Variants in DHX36 observed in about 807,000 individuals in gnomAD.
DHX36 encodes DEAH-box helicase 36, also known as ATP-dependent DNA/RNA helicase DHX36.
In DHX36, 50 loss-of-function variants were observed where a neutral mutation model predicts 139.0. The observed-to-expected ratio is 0.36, with a 90% CI of 0.29 to 0.46. DHX36 has a LOEUF of 0.46. Among genes scored for constraint, DHX36 ranks in the 20% least tolerant of loss-of-function variants. DHX36 has a pLI of 1.00. For missense variants in DHX36, 1,024 were observed against 1,211.3 expected (o/e 0.85, Z 2.29); for synonymous variants, 425 against 401.9 (o/e 1.06, Z -0.69).
chr3:154,293,236 AC>A (rs1476873572), intron 14 of DHX36, among the ~76,000 whole-genome samples: 2 of 152,132 alleles, frequency 1.3e-5, no homozygotes, highest in Non-Finnish European at 2.9e-5. Flanking sequence ...ACAAAAACCA[AC>A]ACCTAAAATG....
In DHX36 at chr3:154,275,157, A is replaced by G. The variant is rs1719108764; in HGVS notation, c.*1014T>C. On this transcript the variant is annotated 3_prime_UTR_variant, in exon 25 of 25. Coordinates refer to ENST00000496811, the MANE Select transcript of DHX36 (RefSeq NM_020865.3). ...ACTGGTTTCCAACCCCAACCCCTCA[A>G]ATACCTAAATCCATGGATGCTCAAG... is the stretch of plus-strand genomic sequence containing the variant. The G allele has an allele frequency of 6.6e-6, 1 of 152,202 alleles. No individual in the cohort carries two copies. The highest frequency in any genetic ancestry group is 2.1e-4 in the South Asian group (1 of 4,830). 9.4% of individuals were successfully genotyped at this position (152,202 alleles called of 1,614,324 possible).
At chr3:154,301,482 C>T (rs888461313) in intron 9 of DHX36, among the ~76,000 whole-genome samples, 11 of 151,986 alleles carry the variant, frequency 7.2e-5, no homozygotes, top group African/African-American at 2.7e-4. Context: ...GAATTGAATC[C>T]CTCAGAGAGC....
chr3:154,291,928 A>T (rs1193634899), intron 15 of DHX36, among the ~76,000 whole-genome samples: 1 of 152,244 alleles, frequency 6.6e-6, no homozygotes, highest in Non-Finnish European at 1.5e-5. Context: ...AGATAGTTTT[A>T]CTTCTTAAGT....
chr3:154,322,081 A>C (rs1713210453), intron 1 of DHX36, among the ~76,000 whole-genome samples: 1 of 152,200 alleles, frequency 6.6e-6, no homozygotes, highest in Admixed American at 6.6e-5. Context: ...CTATTTAAAC[A>C]AGAAAGAAAG....
chr3:154,301,208 G>A, intron 9 of DHX36, 81 bp from the exon 10 acceptor site: 6 of 1,372,624 alleles, frequency 4.4e-6, no homozygotes, highest in Non-Finnish European at 5.9e-6. Context: ...TTATATTTAG[G>A]ATTTTCAAAA....
chr3:154,283,567 C>A (rs1277818887), intron 19 of DHX36, among the ~76,000 whole-genome samples: 1 of 151,532 alleles, frequency 6.6e-6, no homozygotes, highest in Admixed American at 6.6e-5. Flanking sequence ...ATACACTAAT[C>A]AAAAAGAACA....
Position 154,306,315 on chromosome 3 carries a change from TAA to T in DHX36, c.814-22_814-21del, listed in dbSNP as rs937805242. 2 of 1,596,172 alleles carry T rather than the reference TAA, an allele frequency of 1.3e-6. No homozygotes were observed. The highest frequency in any genetic ancestry group is 1.3e-5 in the African/African-American group (1 of 74,516). On this transcript the variant is annotated intron_variant, in intron 5 of 24. Transcript: ENST00000496811. The stretch of plus-strand genomic sequence containing the variant: ...CGCAACCTTTAATTCAAATAAAACA[TAA>T]AGAGAATATAATTTCCTTTAGAACA...
At chr3:154,316,312 A>ACCC (rs762131949) in intron 1 of DHX36, 149 bp from the exon 2 acceptor site, 1 of 948,146 alleles carries the variant, frequency 1.1e-6, no homozygotes, top group Non-Finnish European at 1.6e-6. Flanking sequence ...CTAGCCCAAT[A>ACCC]CCCCCCTTCC....
At chr3:154,305,240 A>G (rs1712454716) in intron 6 of DHX36, 72 bp from the exon 7 acceptor site, 5 of 1,306,122 alleles carry the variant, frequency 3.8e-6, no homozygotes, top group African/African-American at 1.5e-5. Flanking sequence ...AAAGGTTTAT[A>G]TCTTCAATTT....
At chr3:154,290,633 CAAA>C (rs10706343) in intron 15 of DHX36, among the ~76,000 whole-genome samples, 146 of 77,402 alleles carry the variant, frequency 1.9e-3, no homozygotes, top group African/African-American at 7.4e-3. Context: ...GACTTCATCT[CAAA>C]AAAAAAAAAA....
rs1330512485 is a variant in DHX36 at position 154,294,580 on chromosome 3, C to T, written c.1605+704G>A. Among the ~76,000 whole-genome samples, 5 of 152,084 alleles carry T rather than the reference C, an allele frequency of 3.3e-5. No individual in the cohort carries two copies. The East Asian group carries it at 7.7e-4, about 23-fold the overall frequency. On this transcript the variant is annotated intron_variant, in intron 13 of 24. Coordinates refer to ENST00000496811, the MANE Select transcript of DHX36 (RefSeq NM_020865.3). ...GAATCAAGAGTTTTCTTTCTTGCCCCCTCTCTTCTCTCAGGTATGTACTCT... is the reference window on the plus strand; with the variant it reads ...GAATCAAGAGTTTTCTTTCTTGCCCTCTCTCTTCTCTCAGGTATGTACTCT...
Position 154,274,307 on chromosome 3 carries a change from C to CCAAAAAA in DHX36, c.*1857_*1863dup. On this transcript the variant is annotated 3_prime_UTR_variant, in exon 25 of 25. Transcript: ENST00000496811. The stretch of plus-strand genomic sequence containing the variant: ...TGGGTGACAGGGCAAGACACTGTCT[C>CCAAAAAA]CAAAAAACAAAAAACAAAACAAAAC... 5.4e-6 allele frequency: 1 copy of CCAAAAAA among 186,408 alleles called. No homozygotes were observed. Among genetic ancestry groups the CCAAAAAA allele is most frequent in the Non-Finnish European group, 1.1e-5 (1 of 92,442 alleles). The allele number at this position is 186,408 out of a possible 1,614,324, so 11.5% of individuals were successfully genotyped here.
Position 154,284,572 on chromosome 3 carries a change from T to C in DHX36, c.2292+11A>G. 1 of 1,587,970 alleles carries C rather than the reference T, an allele frequency of 6.3e-7. No homozygotes were observed. The highest frequency in any genetic ancestry group is 1.4e-5 in the African/African-American group (1 of 73,422). ...ACTATCATAATCCAGGACAAAATTT[T>C]TTTTTTTTACCTCAAACGCATTCAC... On this transcript the variant is annotated intron_variant, in intron 19 of 24. Coordinates refer to ENST00000496811, the MANE Select transcript of DHX36 (RefSeq NM_020865.3).
chr3:154,324,406 T>C lies in DHX36; in HGVS notation c.11A>G (p.Asp4Gly), dbSNP rs771686732. ...ATCACGGCCCCAGTTCTGATGGTAG[T>C]CATAACTCATTGTCCTGGCAGACTA... MSY[D>G]YHQNWGRDGG... is the part of the protein sequence containing the mutation. Residue 4 changes from aspartate (D) to glycine (G), a missense_variant, in exon 1 of 25, where the codon GAC becomes GGC. This residue lies in a region of DHX36 where 293 missense variants were observed against 274.4 expected (regional missense o/e 1.07). Coordinates refer to ENST00000496811, the MANE Select transcript of DHX36 (RefSeq NM_020865.3). 10 of 1,537,232 alleles carry C rather than the reference T, an allele frequency of 6.5e-6. No individual in the cohort carries two copies. In the East Asian group the frequency reaches 2.3e-4, roughly 35 times the overall value.
intron 1 of DHX36, among the ~76,000 whole-genome samples, chr3:154,316,863 T>C (rs1713006220): frequency 6.6e-6 from 1 of 151,012 alleles, no homozygotes; most frequent in Non-Finnish European, 1.5e-5. Flanking sequence ...TATATTTAGA[T>C]ATAGTAAGTT....
At position 154,315,093 on chromosome 3, in the gene DHX36, C is replaced by T. The variant is rs1368257371; in HGVS notation, c.556G>A (p.Glu186Lys). The change falls in exon 3 of 25, where the codon GAA becomes AAA. Residue 186 changes from glutamate to lysine, a missense_variant. This residue lies in a region of DHX36 where 293 missense variants were observed against 274.4 expected (regional missense o/e 1.07). Coordinates refer to ENST00000496811, the MANE Select transcript of DHX36 (RefSeq NM_020865.3). ...TCATTTTTTTTCTTTTGTAAATCTT[C>T]CAATAATTTTTGGTCTAAAGTTCCA... ...PDGTLDQKLL[E>K]DLQKKKNDLR... is the part of the protein sequence containing the mutation. The T allele has an allele frequency of 1.9e-6, 3 of 1,610,480 alleles. No individual in the cohort carries two copies. The highest frequency in any genetic ancestry group is 3.4e-5 in the Admixed American group (2 of 59,566).
chr3:154,324,115 C>T, intron 1 of DHX36, 59 bp downstream of exon 1: 1 of 1,507,038 alleles, frequency 6.6e-7, no homozygotes, highest in East Asian at 2.4e-5. Flanking sequence ...AAGGGGGCAG[C>T]GGGAGAGAGA....
chr3:154,300,770 T>C, intron 10 of DHX36, 74 bp from the exon 11 acceptor site: 1 of 1,368,926 alleles, frequency 7.3e-7, no homozygotes. Flanking sequence ...AGCTTAAAAT[T>C]AACTCAATCT....
intron 15 of DHX36, among the ~76,000 whole-genome samples, chr3:154,290,361 C>A (rs897087320): frequency 3.3e-5 from 5 of 151,972 alleles, no homozygotes; most frequent in African/African-American, 9.7e-5. Flanking sequence ...GTAGGCCGGG[C>A]GCGATGGCTC....
Sources: allele counts gnomAD v4.1 joint callset (sites outside exome capture counted in the v4.1 genomes callset), GRCh38; gene constraint gnomAD v4.1.1; regional missense constraint gnomAD v4.1.1; transcripts MANE v1.5; gene names NCBI Gene and HGNC (gene_info 2026-07-23, HGNC 2026-07-21).